Variants in INPP5D observed in about 807,000 individuals in gnomAD.
The protein encoded by INPP5D is inositol polyphosphate-5-phosphatase D, also known as phosphatidylinositol 3,4,5-trisphosphate 5-phosphatase 1.
Under a neutral mutation model 122.9 loss-of-function variants are expected in INPP5D, and 33 were observed. The observed-to-expected ratio is 0.27, with a 90% CI of 0.20 to 0.36. The LOEUF (loss-of-function observed/expected upper bound fraction) is 0.36, where lower values mean the gene tolerates loss of function less well. INPP5D is among the 10% of genes least tolerant of loss of function. The pLI is 1.00. For missense variants in INPP5D, 1,053 were observed against 1,412.7 expected, an observed-to-expected ratio of 0.75 and a Z score of 4.08; for synonymous variants, 584 against 576.2, an observed-to-expected ratio of 1.01 and a Z score of -0.19.
rs935592782 is a variant in INPP5D at position 233,160,144 on chromosome 2, T to C, written c.1138-1580T>C. 5.9e-5 allele frequency among the ~76,000 whole-genome samples: 9 copies of C among 152,212 alleles called. No homozygotes were observed. The highest frequency in any genetic ancestry group is 1.0e-4 in the Non-Finnish European group (7 of 68,034). On this transcript the variant is annotated intron_variant, in intron 10 of 26. Coordinates refer to ENST00000445964, the MANE Select transcript of INPP5D (RefSeq NM_001017915.3). The surrounding 1 kb of genome is among the most constrained non-coding windows in gnomAD (Gnocchi z 4.2). ...AACTCGAGGCAGGTTATAGTAAAGA[T>C]GGTCATTATGACATCTTTGTGAGCT...
In INPP5D at chr2:233,122,250, G is replaced by A. The variant is rs771606414; in HGVS notation, c.342G>A (p.Glu114=). Residue 114 remains glutamate (E), a synonymous_variant, in exon 3 of 27, where the codon GAG becomes GAA. Transcript: ENST00000445964. The part of the protein sequence containing the change: ...EEEDTGDDPE[E]DTVESVVSPP... ...AGGACACAGGCGACGACCCTGAGGAGGACACAGGTAGGGAGGGAGGGACAG... is the reference window on the plus strand; with the variant it reads ...AGGACACAGGCGACGACCCTGAGGAAGACACAGGTAGGGAGGGAGGGACAG... 3 of 1,613,564 alleles carry A rather than the reference G, an allele frequency of 1.9e-6. No homozygotes were observed. In the South Asian group the frequency reaches 3.3e-5, roughly 18 times the overall value.
chr2:233,159,678 A>T (rs1402219904), intron 10 of INPP5D, among the ~76,000 whole-genome samples: 1 of 135,954 alleles, frequency 7.4e-6, no homozygotes. Context: ...TAGATGACAG[A>T]GCAAGATCCT....
chr2:233,097,168 G>T (rs1692166953), intron 2 of INPP5D, among the ~76,000 whole-genome samples: 1 of 152,080 alleles, frequency 6.6e-6, no homozygotes. Flanking sequence ...GTCCTAATCT[G>T]ATTTGAAACG....
intron 1 of INPP5D, among the ~76,000 whole-genome samples, chr2:233,065,627 CTTTCTTTCTTTCTTTCTTTCTTTCT>C (rs1377971935): frequency 0.079 from 575 of 7,308 alleles, 240 homozygotes; most frequent in African/African-American, 0.36. Flanking sequence ...TTCTTTCTTT[CTTTCTTTCTTTCTTTCTTTCTTTCT>C]TTTTTTTTTT....
At chr2:233,181,907 C>A (rs554403643) in intron 18 of INPP5D, among the ~76,000 whole-genome samples, 1 of 152,218 alleles carries the variant, frequency 6.6e-6, no homozygotes. Flanking sequence ...ACCAGCCTGG[C>A]CAACATGGCA....
intron 5 of INPP5D, among the ~76,000 whole-genome samples, chr2:233,137,851 AAAATATATATATATATATATATATATAT>A (rs1559313192): frequency 8.2e-5 from 1 of 12,200 alleles, no homozygotes; most frequent in East Asian, 1.4e-3. Flanking sequence ...AAAAAAAAAA[AAAATATATATATATATATATATATATAT>A]ATATATATAT....
At chr2:233,090,174 G>T (rs575736869) in intron 2 of INPP5D, among the ~76,000 whole-genome samples, 18 of 152,356 alleles carry the variant, frequency 1.2e-4, no homozygotes, top group African/African-American at 4.1e-4. Context: ...GGCTTGAGAA[G>T]AGGCTTCTAT....
intron 3 of INPP5D, among the ~76,000 whole-genome samples, chr2:233,124,858 C>A (rs72984294): frequency 6.6e-6 from 1 of 152,354 alleles, no homozygotes; most frequent in Admixed American, 6.5e-5. Flanking sequence ...CAGAGCAATG[C>A]GACATGAGGC....
Position 233,167,045 on chromosome 2 carries a change from CTG to C in INPP5D, c.1556-2255_1556-2254del, listed in dbSNP as rs927825843. On this transcript the variant is annotated intron_variant, in intron 13 of 26. Coordinates refer to ENST00000445964, the MANE Select transcript of INPP5D (RefSeq NM_001017915.3). ...TTCTAAGAGTGTGCCCTAAGCAAGG[CTG>C]TGTGCTGAATGCTTTGAATCATCTC... Among the ~76,000 whole-genome samples the C allele has an allele frequency of 6.0e-5, 9 of 151,224 alleles. No homozygotes were observed. In the East Asian group the frequency reaches 1.8e-3, roughly 30 times the overall value.
chr2:233,155,615 C>T (rs921538233), intron 9 of INPP5D, among the ~76,000 whole-genome samples: 1 of 148,928 alleles, frequency 6.7e-6, no homozygotes, highest in African/African-American at 2.5e-5. Context: ...AGCGAGACTC[C>T]ATCTCAAAAA....
At chr2:233,146,998 C>T (rs1391195318) in intron 8 of INPP5D, among the ~76,000 whole-genome samples, 2 of 150,624 alleles carry the variant, frequency 1.3e-5, no homozygotes, top group Non-Finnish European at 2.9e-5. Flanking sequence ...GGTGATTATC[C>T]TCTATTAAGA....
intron 9 of INPP5D, among the ~76,000 whole-genome samples, chr2:233,151,859 G>A (rs1318200958): frequency 6.6e-6 from 1 of 152,256 alleles, no homozygotes; most frequent in Admixed American, 6.5e-5. Context: ...GAATAAGAAT[G>A]AATGTAATAA....
chr2:233,152,384 T>C (rs529949867), intron 9 of INPP5D, among the ~76,000 whole-genome samples: 1 of 152,276 alleles, frequency 6.6e-6, no homozygotes, highest in Admixed American at 6.5e-5. Flanking sequence ...GTTCAAATCA[T>C]AAAATATTCA....
rs1343247494 is a variant in INPP5D, at chr2:233,204,272, A to G, written c.3122A>G (p.Lys1041Arg). ...PAPRKDQESPKMPRKEPPPCP... is the reference protein window; with the variant it reads ...PAPRKDQESPRMPRKEPPPCP... Reference sequence around the variant, plus strand: ...CCCAGGAAGGACCAGGAATCCCCCAAAATGCCGCGGAAGGAACCCCCGCCC... The same window carrying G: ...CCCAGGAAGGACCAGGAATCCCCCAGAATGCCGCGGAAGGAACCCCCGCCC... The change falls in exon 26 of 27, where the codon AAA becomes AGA. Residue 1041 changes from lysine to arginine, a missense_variant. Lys to Arg is a conservative substitution (Grantham distance 26). Around this residue, in one of 6 missense-constraint regions of INPP5D, gnomAD observed 417 missense variants for 425.8 expected, o/e 0.98. Coordinates refer to ENST00000445964, the MANE Select transcript of INPP5D (RefSeq NM_001017915.3). The G allele has an allele frequency of 8.7e-6, 14 of 1,613,478 alleles. No homozygotes were observed. Among genetic ancestry groups the G allele is most frequent in the South Asian group, 1.1e-5 (1 of 91,084 alleles).
intron 18 of INPP5D, among the ~76,000 whole-genome samples, chr2:233,179,173 G>A (rs1694723295): frequency 6.7e-6 from 1 of 149,694 alleles, no homozygotes; most frequent in Non-Finnish European, 1.5e-5. Flanking sequence ...CACGGCCAGG[G>A]CATTGTTCCA....
chr2:233,204,416 C>T lies in INPP5D; in HGVS notation c.3266C>T (p.Ser1089Leu). The T allele has an allele frequency of 6.2e-7, 1 of 1,609,460 alleles. No individual in the cohort carries two copies. Among genetic ancestry groups the T allele is most frequent in the Non-Finnish European group, 8.5e-7 (1 of 1,178,520 alleles). ...CCCCGGCTGCGCTCCTTCACGTGCTCATCCTCTGCCGAGGGCAGGGCGGCC... is the reference window on the plus strand; with the variant it reads ...CCCCGGCTGCGCTCCTTCACGTGCTTATCCTCTGCCGAGGGCAGGGCGGCC... ...PAPRLRSFTC[S>L]SSAEGRAAGG... Residue 1089 changes from serine to leucine, a missense_variant, in exon 26 of 27, where the codon TCA becomes TTA. By Grantham distance (145) the Ser-to-Leu change is moderately radical. Coordinates refer to ENST00000445964, the MANE Select transcript of INPP5D (RefSeq NM_001017915.3).
At chr2:233,119,957 G>A (rs112164410) in intron 2 of INPP5D, among the ~76,000 whole-genome samples, 4 of 152,216 alleles carry the variant, frequency 2.6e-5, no homozygotes, top group African/African-American at 9.7e-5. Flanking sequence ...GTAGATATCT[G>A]ACTTGGAGGC....
At chr2:233,094,738 A>G (rs1344649126) in intron 2 of INPP5D, among the ~76,000 whole-genome samples, 2 of 152,102 alleles carry the variant, frequency 1.3e-5, no homozygotes, top group Non-Finnish European at 2.9e-5. Flanking sequence ...CGTTTGAACA[A>G]GATCCCCAGG....
chr2:233,107,327 T>A (rs1188475999), intron 2 of INPP5D, among the ~76,000 whole-genome samples: 1 of 152,114 alleles, frequency 6.6e-6, no homozygotes, highest in Non-Finnish European at 1.5e-5. Flanking sequence ...CTTTTACATG[T>A]GTACTCCAGG....
Sources: gnomAD v4.1 joint callset for allele counts (sites outside exome capture counted in the v4.1 genomes callset) on GRCh38, gnomAD v4.1.1 for gene constraint, gnomAD v4.1.1 regional missense constraint, Gnocchi (gnomAD v3.1) non-coding constraint, MANE v1.5 for transcripts, NCBI Gene and HGNC (gene_info 2026-07-23, HGNC 2026-07-21) for gene names.